The following ZFYVE16 variants were observed in gnomAD, a reference collection of about 807,000 sequenced individuals.
The protein encoded by ZFYVE16 is zinc finger FYVE domain-containing protein 16.
A neutral mutation model predicts 138.1 loss-of-function variants in ZFYVE16; 89 were observed. The observed-to-expected ratio is 0.64, with a 90% CI of 0.54 to 0.77. ZFYVE16 has a LOEUF of 0.77. Ranked by LOEUF, ZFYVE16 falls within the 30% of genes least tolerant of loss-of-function variation. The probability of loss-of-function intolerance (pLI) is 0.00; values close to 1 mark genes in which losing one functional copy is unlikely to be tolerated. For missense variants in ZFYVE16, 1,793 were observed against 1,786.7 expected (o/e 1.00, Z -0.06); for synonymous variants, 596 against 618.3 (o/e 0.96, Z 0.53).
In ZFYVE16 at chr5:80,434,098, C is replaced by G. The variant is rs377381919; in HGVS notation, c.-39-11C>G. On this transcript the variant is annotated splice_polypyrimidine_tract_variant and intron_variant, in intron 2 of 18. Coordinates refer to ENST00000505560, the MANE Select transcript of ZFYVE16 (RefSeq NM_001284236.3). ...ATTAAATGAAATATTATTATACTTTCTATTTTTTAGGCATACAAGAATTAA... is the reference window on the plus strand; with the variant it reads ...ATTAAATGAAATATTATTATACTTTGTATTTTTTAGGCATACAAGAATTAA... 4 of 1,518,536 alleles carry G rather than the reference C, an allele frequency of 2.6e-6. No individual in the cohort carries two copies. In the East Asian group the frequency reaches 9.0e-5, roughly 34 times the overall value. 94.1% of individuals were successfully genotyped at this position (1,518,536 alleles called of 1,614,324 possible).
At chr5:80,422,891 T>TTGG (rs1747439601) in intron 1 of ZFYVE16, among the ~76,000 whole-genome samples, 1 of 152,244 alleles carries the variant, frequency 6.6e-6, no homozygotes, top group African/African-American at 2.4e-5. Flanking sequence ...GGTCATGATG[T>TTGG]ATAATTTTTC....
In ZFYVE16 at chr5:80,413,106, G is replaced by A. The variant is rs189381891; in HGVS notation, c.-94+4953G>A. On this transcript the variant is annotated intron_variant, in intron 1 of 18. Transcript: ENST00000505560. Reference sequence around the variant, plus strand: ...TGGGAGGATCGCTTGAGCCCAGCACGTGGAGGCTATAGTGAGCTAATATCG... The same window carrying A: ...TGGGAGGATCGCTTGAGCCCAGCACATGGAGGCTATAGTGAGCTAATATCG... Among the ~76,000 whole-genome samples the A allele has an allele frequency of 1.1e-4, 17 of 152,162 alleles. No homozygotes were observed. The East Asian group carries it at 1.9e-3, about 17-fold the overall frequency.
chr5:80,433,700 GAAAA>G (rs995565840), intron 2 of ZFYVE16, among the ~76,000 whole-genome samples: 2 of 145,918 alleles, frequency 1.4e-5, no homozygotes, highest in African/African-American at 5.0e-5. Context: ...ACTAAAAAAA[GAAAA>G]AAAAAAGCAT....
Position 80,437,305 on chromosome 5 carries a change from T to C in ZFYVE16, c.620T>C (p.Leu207Ser). Residue 207 changes from leucine to serine, a missense_variant, in exon 4 of 19, where the codon TTG (leucine) becomes TCG (serine). By Grantham distance (145) the Leu-to-Ser change is moderately radical. This residue lies in a region of ZFYVE16 where 1,295 missense variants were observed against 1,204.3 expected (regional missense o/e 1.08). Coordinates refer to ENST00000505560, the MANE Select transcript of ZFYVE16 (RefSeq NM_001284236.3). ...QNREIGGIKELGIKVDTTLSD... is the reference protein window; with the variant it reads ...QNREIGGIKESGIKVDTTLSD... ...AGAGAAATCGGAGGAATCAAAGAAT[T>C]GGGTATAAAAGTAGATACAACACTT... 6.2e-7 allele frequency: 1 copy of C among 1,606,906 alleles called. No individual in the cohort carries two copies. Among genetic ancestry groups the C allele is most frequent in the Non-Finnish European group, 8.5e-7 (1 of 1,176,628 alleles).
intron 16 of ZFYVE16, 103 bp downstream of exon 16, chr5:80,473,026 A>G: frequency 9.4e-7 from 1 of 1,062,308 alleles, no homozygotes; most frequent in Non-Finnish European, 1.3e-6. Flanking sequence ...ATATATACTT[A>G]TACCATCAAT....
chr5:80,411,367 T>C (rs1206847631), intron 1 of ZFYVE16, among the ~76,000 whole-genome samples: 3 of 152,162 alleles, frequency 2.0e-5, no homozygotes, highest in Non-Finnish European at 4.4e-5. Flanking sequence ...TTCCTAGATT[T>C]ATAGTATTAC....
In ZFYVE16 at chr5:80,437,047, G is replaced by A. The variant is rs532644018; in HGVS notation, c.362G>A (p.Arg121Gln). 65 of 1,614,010 alleles carry A rather than the reference G, an allele frequency of 4.0e-5. No homozygotes were observed. Among genetic ancestry groups the A allele is most frequent in the African/African-American group, 3.5e-4 (26 of 74,900 alleles). The change falls in exon 4 of 19, where the codon CGA (arginine) becomes CAA (glutamine). Residue 121 changes from arginine (R) to glutamine (Q), a missense_variant. Transcript: ENST00000505560. The stretch of plus-strand genomic sequence containing the variant: ...GAAATCCAGCCGTTATATATGGGAC[G>A]ATGTAGTAAACCTATCTGTGATCTG... ...SDEIQPLYMG[R>Q]CSKPICDLIS...
intron 8 of ZFYVE16, among the ~76,000 whole-genome samples, chr5:80,449,370 T>C (rs1328994653): frequency 5.3e-5 from 8 of 152,216 alleles, no homozygotes. Flanking sequence ...AGTATAAATA[T>C]ACTATATGTA....
intron 2 of ZFYVE16, among the ~76,000 whole-genome samples, chr5:80,428,206 G>C (rs945515338): frequency 2.6e-5 from 4 of 152,054 alleles, no homozygotes; most frequent in South Asian, 4.1e-4. Context: ...AGGCACCCCC[G>C]AGTAGGGGCA....
In ZFYVE16 at chr5:80,459,457, A is replaced by G; in HGVS notation, c.3987A>G (p.Thr1329=). The change falls in exon 15 of 19, where the codon ACA becomes ACG. Residue 1329 remains threonine (T), a synonymous_variant. Transcript: ENST00000505560. ...TGGTATTCAATGGAGCTCTAAAAACATCTTCAGGATTTCTTGCTAAGTCCA... is the reference window on the plus strand; with the variant it reads ...TGGTATTCAATGGAGCTCTAAAAACGTCTTCAGGATTTCTTGCTAAGTCCA... The part of the protein sequence containing the change: ...SFVVFNGALK[T]SSGFLAKSSI... 1.2e-6 allele frequency: 2 copies of G among 1,613,444 alleles called. No individual in the cohort carries two copies. The highest frequency in any genetic ancestry group is 1.1e-5 in the South Asian group (1 of 90,970).
intron 1 of ZFYVE16, among the ~76,000 whole-genome samples, chr5:80,415,809 A>G (rs985402818): frequency 2.0e-5 from 3 of 152,052 alleles, no homozygotes; most frequent in Non-Finnish European, 4.4e-5. Flanking sequence ...CTGGGATTAC[A>G]GGCACGTGCC....
chr5:80,421,655 T>A (rs1199709570), intron 1 of ZFYVE16, among the ~76,000 whole-genome samples: 1 of 152,204 alleles, frequency 6.6e-6, no homozygotes, highest in African/African-American at 2.4e-5. Flanking sequence ...TTGGTCTATA[T>A]CTCCATTTTG....
chr5:80,449,568 AAT>A, intron 8 of ZFYVE16, 21 bp from the exon 9 acceptor site: 1 of 1,595,436 alleles, frequency 6.3e-7, no homozygotes, highest in African/African-American at 1.4e-5. Context: ...TATCCTGATT[AAT>A]ATATTACTTT....
At position 80,440,047 on chromosome 5, in the gene ZFYVE16, G is replaced by C; in HGVS notation, c.2419+15G>C. 6.4e-7 allele frequency: 1 copy of C among 1,572,564 alleles called. No individual in the cohort carries two copies. The highest frequency in any genetic ancestry group is 8.6e-7 in the Non-Finnish European group (1 of 1,162,902). On this transcript the variant is annotated intron_variant, in intron 5 of 18. Coordinates refer to ENST00000505560, the MANE Select transcript of ZFYVE16 (RefSeq NM_001284236.3). ...TATTAGTAAAGGTGAGTATTAACTTGATATATTTTCTTCCAGTAATTGAAT... is the reference window on the plus strand; with the variant it reads ...TATTAGTAAAGGTGAGTATTAACTTCATATATTTTCTTCCAGTAATTGAAT...
chr5:80,475,463 A>G (rs1162446585), intron 18 of ZFYVE16, among the ~76,000 whole-genome samples: 1 of 152,170 alleles, frequency 6.6e-6, no homozygotes, highest in African/African-American at 2.4e-5. Flanking sequence ...TATCTTTCCT[A>G]CTGTTGACAT....
In ZFYVE16 at chr5:80,437,843, A is replaced by T. The variant is rs1437669391; in HGVS notation, c.1158A>T (p.Gly386=). 3 of 1,614,018 alleles carry T rather than the reference A, an allele frequency of 1.9e-6. No homozygotes were observed. The highest frequency in any genetic ancestry group is 2.5e-6 in the Non-Finnish European group (3 of 1,179,954). ...TTCCTGCGTCTGGGTCTATGTGTGG[A>T]TCATTAATTGAAAGTAAAGCACGGG... ...SCLPASGSMC[G]SLIESKARGD... The change falls in exon 4 of 19, where the codon GGA becomes GGT. Residue 386 remains glycine, a synonymous_variant. Transcript: ENST00000505560.
At chr5:80,420,993 T>A (rs897615180) in intron 1 of ZFYVE16, among the ~76,000 whole-genome samples, 1 of 152,250 alleles carries the variant, frequency 6.6e-6, no homozygotes, top group Non-Finnish European at 1.5e-5. Flanking sequence ...CCATTCTAAC[T>A]GGTGTGAGAC....
At position 80,451,493 on chromosome 5, in the gene ZFYVE16, A is replaced by G. The variant is rs775675779; in HGVS notation, c.3391A>G (p.Ile1131Val). 3.1e-6 allele frequency: 5 copies of G among 1,599,020 alleles called. No homozygotes were observed. Among genetic ancestry groups the G allele is most frequent in the Non-Finnish European group, 8.5e-7 (1 of 1,173,192 alleles). ...IYKDALKGKY[I>V]ENLDNITFTE... Reference sequence around the variant, plus strand: ...AATGATTTTATTTGCAGGAAAATACATAGAAAACTTGGACAATATTACCTT... The same window carrying G: ...AATGATTTTATTTGCAGGAAAATACGTAGAAAACTTGGACAATATTACCTT... Residue 1131 changes from isoleucine (I) to valine (V), a missense_variant, in exon 11 of 19, where the codon ATA becomes GTA. Coordinates refer to ENST00000505560, the MANE Select transcript of ZFYVE16 (RefSeq NM_001284236.3).
Position 80,437,930 on chromosome 5 carries a change from A to G in ZFYVE16, c.1245A>G (p.Glu415=), listed in dbSNP as rs983912260. ...TACAAGATGCAGTGACTATACATGA[A>G]GAAATACAGAACAGTGTTGTTCTAG... ...DNIQDAVTIH[E]EIQNSVVLGG... The change falls in exon 4 of 19, where the codon GAA becomes GAG. Residue 415 remains glutamate (E), a synonymous_variant. Coordinates refer to ENST00000505560, the MANE Select transcript of ZFYVE16 (RefSeq NM_001284236.3). The G allele has an allele frequency of 1.9e-6, 3 of 1,614,088 alleles. No individual in the cohort carries two copies. The African/African-American group carries it at 4.0e-5, about 22-fold the overall frequency.
Sources: gnomAD v4.1 joint callset for allele counts (sites outside exome capture counted in the v4.1 genomes callset) on GRCh38, gnomAD v4.1.1 for gene constraint, gnomAD v4.1.1 regional missense constraint, MANE v1.5 for transcripts, NCBI Gene and HGNC (gene_info 2026-07-23, HGNC 2026-07-21) for gene names.